CFAP91: variants seen among roughly 807,000 people sequenced by gnomAD.
CFAP91 encodes the protein cilia and flagella associated protein 91.
Under a neutral mutation model 95.9 loss-of-function variants are expected in CFAP91, and 85 were observed. The observed-to-expected ratio is 0.89, with a 90% CI of 0.74 to 1.06. CFAP91 has a LOEUF of 1.06. CFAP91 is among the 50% of genes least tolerant of loss of function. The pLI is 0.00. For synonymous variants in CFAP91, 335 were observed against 327.5 expected, an observed-to-expected ratio of 1.02 and a Z score of -0.25; for missense variants, 962 against 943.4, an observed-to-expected ratio of 1.02 and a Z score of -0.26.
chr3:119,708,917 C>A (rs4544652), intron 4 of CFAP91, among the ~76,000 whole-genome samples: 111,190 of 152,016 alleles, frequency 0.73, 42,506 homozygotes, highest in Non-Finnish European at 0.85. Context: ...GTCATATAAG[C>A]TAGCAAGGGG....
rs1225168093 is a variant in CFAP91 at position 119,730,197 on chromosome 3, T to C, written c.861-23T>C. 5 of 1,608,564 alleles carry C rather than the reference T, an allele frequency of 3.1e-6. No homozygotes were observed. The Admixed American group carries it at 8.4e-5, about 27-fold the overall frequency. ...CTGTTTGAGATGCCATATGCTTCTT[T>C]ATGTTTTGTAATTTACTTGAAGACT... On this transcript the variant is annotated intron_variant, in intron 7 of 17. Coordinates refer to ENST00000273390, the MANE Select transcript of CFAP91 (RefSeq NM_033364.4).
chr3:119,762,796 T>G (rs952812209), intron 17 of CFAP91, among the ~76,000 whole-genome samples: 1 of 152,002 alleles, frequency 6.6e-6, no homozygotes, highest in Admixed American at 6.6e-5. Context: ...GAACCTTTTC[T>G]CCACACCATA....
At chr3:119,733,274 C>A in intron 9 of CFAP91, 90 bp from the exon 10 acceptor site, 1 of 1,378,142 alleles carries the variant, frequency 7.3e-7, no homozygotes, top group Non-Finnish European at 9.9e-7. Context: ...AATGAAACTG[C>A]TTGGCAAACA....
At position 119,707,492 on chromosome 3, in the gene CFAP91, C is replaced by T; in HGVS notation, c.290C>T (p.Pro97Leu). ...SLYWSKSDPV[P>L]PFISREWKGH... Reference sequence around the variant, plus strand: ...TATTGGAGCAAGTCAGATCCTGTCCCACCATTTATCAGTCGGGAATGGAAG... The same window carrying T: ...TATTGGAGCAAGTCAGATCCTGTCCTACCATTTATCAGTCGGGAATGGAAG... Residue 97 changes from proline (P) to leucine (L), a missense_variant, in exon 3 of 18, where the codon CCA (proline) becomes CTA (leucine). Pro to Leu is a moderately conservative substitution (Grantham distance 98, BLOSUM62 -3). Coordinates refer to ENST00000273390, the MANE Select transcript of CFAP91 (RefSeq NM_033364.4). 1.3e-6 allele frequency: 2 copies of T among 1,598,332 alleles called. No individual in the cohort carries two copies. The highest frequency in any genetic ancestry group is 2.7e-5 in the African/African-American group (2 of 74,838).
At chr3:119,740,813 A>G (rs983213229) in intron 13 of CFAP91, 118 bp downstream of exon 13, 3 of 1,107,120 alleles carry the variant, frequency 2.7e-6, no homozygotes, top group East Asian at 2.7e-5. Flanking sequence ...ACAGCCCCAC[A>G]ATCCCATCAC....
Position 119,730,493 on chromosome 3 carries a change from G to T in CFAP91, c.1018+116G>T. 2 of 1,010,808 alleles carry T rather than the reference G, an allele frequency of 2.0e-6. 1 individual carries two copies. Among genetic ancestry groups the T allele is most frequent in the Non-Finnish European group, 2.9e-6 (2 of 679,956 alleles). The allele number at this position is 1,010,808 out of a possible 1,614,324, so 62.6% of individuals were successfully genotyped here. A position where few individuals can be genotyped will look rare whatever the true frequency, so the allele number is the denominator to read the frequency against. ...TGTTTTGGTCCTGGGAATCACATAG[G>T]TAAGGGCTAAGAGATGAGTTATTTC... is the stretch of plus-strand genomic sequence containing the variant. On this transcript the variant is annotated intron_variant, in intron 8 of 17. Coordinates refer to ENST00000273390, the MANE Select transcript of CFAP91 (RefSeq NM_033364.4).
At chr3:119,707,035 A>G (rs2053377926) in intron 2 of CFAP91, 150 bp downstream of exon 2, 1 of 645,140 alleles carries the variant, frequency 1.6e-6, no homozygotes, top group Non-Finnish European at 2.8e-6. Context: ...AGGGCAAAGC[A>G]TCTTAATACG....
intron 3 of CFAP91, 148 bp downstream of exon 3, chr3:119,707,709 C>G (rs2053394569): frequency 2.7e-6 from 1 of 369,980 alleles, no homozygotes; most frequent in Non-Finnish European, 4.5e-6. Context: ...CCAAACAAAC[C>G]TGATTATATA....
chr3:119,747,329 C>A, intron 15 of CFAP91, 66 bp downstream of exon 15: 1 of 1,514,016 alleles, frequency 6.6e-7, no homozygotes, highest in South Asian at 1.3e-5. Flanking sequence ...TATATTTTTT[C>A]AAGAGCTTAC....
intron 6 of CFAP91, among the ~76,000 whole-genome samples, chr3:119,725,922 T>A (rs2053773538): frequency 6.6e-6 from 1 of 152,216 alleles, no homozygotes. Context: ...CACTTAATAT[T>A]CTTCAAATGC....
chr3:119,716,124 A>G (rs1317980899), intron 6 of CFAP91, among the ~76,000 whole-genome samples: 1 of 152,214 alleles, frequency 6.6e-6, no homozygotes, highest in Non-Finnish European at 1.5e-5. Flanking sequence ...TGTATGTCAT[A>G]TTATCTTAAT....
chr3:119,742,414 TG>T (rs1351073819), intron 13 of CFAP91, among the ~76,000 whole-genome samples: 1 of 152,254 alleles, frequency 6.6e-6, no homozygotes, highest in African/African-American at 2.4e-5. Flanking sequence ...CAGTACTTTC[TG>T]TGACTACAGT....
Position 119,707,414 on chromosome 3 carries a change from C to T in CFAP91, c.212C>T (p.Pro71Leu). Residue 71 changes from proline (P) to leucine (L), a missense_variant, in exon 3 of 18, where the codon CCC (proline) becomes CTC (leucine). Coordinates refer to ENST00000273390, the MANE Select transcript of CFAP91 (RefSeq NM_033364.4). ...TLIRSRLRKV[P>L]RFKTMFSNLI... ...CTTCTCTAACATTAGAGAAAAGTTCCCAGGTTTAAAACCATGTTCAGTAAC... is the reference window on the plus strand; with the variant it reads ...CTTCTCTAACATTAGAGAAAAGTTCTCAGGTTTAAAACCATGTTCAGTAAC... 1 of 1,544,126 alleles carries T rather than the reference C, an allele frequency of 6.5e-7. No homozygotes were observed. Among genetic ancestry groups the T allele is most frequent in the South Asian group, 1.2e-5 (1 of 80,690 alleles).
At chr3:119,712,903 TGAG>T (rs1287442759) in intron 5 of CFAP91, among the ~76,000 whole-genome samples, 1 of 147,702 alleles carries the variant, frequency 6.8e-6, no homozygotes, top group Non-Finnish European at 1.5e-5. Flanking sequence ...TGCAGTGAGC[TGAG>T]ATCACGCCAC....
intron 9 of CFAP91, among the ~76,000 whole-genome samples, chr3:119,732,698 T>TA (rs1272247018): frequency 6.6e-6 from 1 of 152,170 alleles, no homozygotes; most frequent in African/African-American, 2.4e-5. Context: ...TAGTAAATGT[T>TA]AAAAAAATGT....
At chr3:119,706,086 T>C (rs565211195) in intron 1 of CFAP91, 1 of 152,232 alleles carries the variant, frequency 6.6e-6, no homozygotes, top group Non-Finnish European at 1.5e-5. Flanking sequence ...ACAAGTCTAC[T>C]TGGGAAATCA....
At position 119,736,351 on chromosome 3, in the gene CFAP91, A is replaced by G. The variant is rs1036745530; in HGVS notation, c.1345-1015A>G. ...CAGTGGTGCGATCTCCGCTCACTGCAAGCTCTGCCTCCCAGGTTGACGCCA... is the reference window on the plus strand; with the variant it reads ...CAGTGGTGCGATCTCCGCTCACTGCGAGCTCTGCCTCCCAGGTTGACGCCA... On this transcript the variant is annotated intron_variant, in intron 10 of 17. Coordinates refer to ENST00000273390, the MANE Select transcript of CFAP91 (RefSeq NM_033364.4). Among the ~76,000 whole-genome samples the G allele has an allele frequency of 1.3e-4, 18 of 140,566 alleles. No homozygotes were observed. The Admixed American group carries it at 1.4e-3, about 11-fold the overall frequency. 92.2% of individuals were successfully genotyped at this position (140,566 alleles called of 152,430 possible). A position where few individuals can be genotyped will look rare whatever the true frequency, so the allele number is the denominator to read the frequency against.
At chr3:119,716,901 C>T (rs1371270628) in intron 6 of CFAP91, among the ~76,000 whole-genome samples, 1 of 152,128 alleles carries the variant, frequency 6.6e-6, no homozygotes, top group Admixed American at 6.6e-5. Flanking sequence ...AACACCCGTA[C>T]TTTAAAGCAG....
chr3:119,757,470 C>T (rs1455941557), intron 17 of CFAP91, among the ~76,000 whole-genome samples: 1 of 151,902 alleles, frequency 6.6e-6, no homozygotes, highest in Admixed American at 6.6e-5. Context: ...ATGGTGAAGC[C>T]GTGTCTCTAC....
Sources: gnomAD v4.1 joint callset for allele counts (sites outside exome capture counted in the v4.1 genomes callset) on GRCh38, gnomAD v4.1.1 for gene constraint, MANE v1.5 for transcripts, NCBI Gene and HGNC (gene_info 2026-07-23, HGNC 2026-07-21) for gene names.